The following GDA variants were observed in gnomAD, a reference collection of about 807,000 sequenced individuals.
The protein encoded by GDA is cytoplasmic PSD-95 interactor.
In GDA, 18 loss-of-function variants were observed where a neutral mutation model predicts 59.6. The observed-to-expected ratio is 0.30, with a 90% CI of 0.21 to 0.45. The LOEUF is 0.45. Among genes scored for constraint, GDA ranks in the 20% least tolerant of loss-of-function variants. The pLI is 1.00. For synonymous variants in GDA, 201 were observed against 201.1 expected, an observed-to-expected ratio of 1.00 and a Z score of 0.00; for missense variants, 427 against 552.3, an observed-to-expected ratio of 0.77 and a Z score of 2.27.
At chr9:72,202,152 T>C (rs1300065149) in intron 2 of GDA, among the ~76,000 whole-genome samples, 1 of 152,272 alleles carries the variant, frequency 6.6e-6, no homozygotes, top group Non-Finnish European at 1.5e-5. Context: ...CCTTAGTGAC[T>C]GGTGTGCACA....
At chr9:72,157,521 A>G (rs1828062395) in intron 1 of GDA, among the ~76,000 whole-genome samples, 1 of 152,130 alleles carries the variant, frequency 6.6e-6, no homozygotes, top group African/African-American at 2.4e-5. Flanking sequence ...AGGCACCCAT[A>G]TCAATAGTCA....
chr9:72,136,307 T>C (rs1360459186), intron 1 of GDA, among the ~76,000 whole-genome samples: 2 of 152,228 alleles, frequency 1.3e-5, no homozygotes. Context: ...TATACCAAAC[T>C]GAGCCTGTGT....
intron 1 of GDA, among the ~76,000 whole-genome samples, chr9:72,126,728 A>T (rs1203322294): frequency 6.6e-6 from 1 of 151,722 alleles, no homozygotes; most frequent in African/African-American, 2.4e-5. Flanking sequence ...CACCAGGCCC[A>T]GCTAATTTTT....
intron 1 of GDA, among the ~76,000 whole-genome samples, chr9:72,116,324 A>G (rs1015246994): frequency 1.3e-5 from 2 of 151,742 alleles, no homozygotes; most frequent in Admixed American, 1.3e-4. Context: ...GCACCTTACA[A>G]TGCCTACTGA....
chr9:72,141,173 T>G (rs1826427971), intron 1 of GDA, among the ~76,000 whole-genome samples: 1 of 151,942 alleles, frequency 6.6e-6, no homozygotes, highest in Non-Finnish European at 1.5e-5. Context: ...CACAAAGAAT[T>G]CCAAAAACAC....
At chr9:72,181,180 G>T (rs1189963243) in intron 1 of GDA, among the ~76,000 whole-genome samples, 1 of 152,094 alleles carries the variant, frequency 6.6e-6, no homozygotes, top group Non-Finnish European at 1.5e-5. Context: ...GGTAAAGAAA[G>T]TACAGTTCTA....
chr9:72,255,631 A>G (rs1338502965), downstream of GDA, among the ~76,000 whole-genome samples: 1 of 152,206 alleles, frequency 6.6e-6, no homozygotes, highest in Non-Finnish European at 1.5e-5. Context: ...TGAATTGGCA[A>G]CTTACGTATT....
chr9:72,248,286 A>G lies in GDA; in HGVS notation c.1309A>G (p.Ile437Val), dbSNP rs774098164. The change falls in exon 14 of 14, where the codon ATT (isoleucine) becomes GTT (valine). Residue 437 changes from isoleucine (I) to valine (V), a missense_variant. Ile to Val is a conservative substitution (Grantham distance 29). Coordinates refer to ENST00000358399, the MANE Select transcript of GDA (RefSeq NM_004293.5). The part of the protein sequence containing the change: ...KFLYLGDDRN[I>V]EEVYVGGKQV... The stretch of plus-strand genomic sequence containing the variant: ...TTTTCTTTCAGGAGATGATCGAAAT[A>G]TTGAAGAGGTTTATGTGGGCGGAAA... The G allele has an allele frequency of 3.1e-6, 5 of 1,611,198 alleles. No homozygotes were observed. The highest frequency in any genetic ancestry group is 4.2e-6 in the Non-Finnish European group (5 of 1,177,324).
At chr9:72,222,732 G>A (rs1036398290) in intron 6 of GDA, among the ~76,000 whole-genome samples, 7 of 151,854 alleles carry the variant, frequency 4.6e-5, no homozygotes, top group African/African-American at 1.4e-4. Flanking sequence ...TTGAGACTGA[G>A]TTTCTCTTTT....
At chr9:72,151,795 G>A (rs921049455) in intron 1 of GDA, among the ~76,000 whole-genome samples, 1 of 151,782 alleles carries the variant, frequency 6.6e-6, no homozygotes, top group African/African-American at 2.4e-5. Flanking sequence ...AAGTAGAGTT[G>A]GGGTTTCAAT....
chr9:72,252,110 A>T lies in GDA; in HGVS notation c.*3768A>T, dbSNP rs910456428. 2.0e-5 allele frequency: 3 copies of T among 152,576 alleles called. No individual in the cohort carries two copies. 9.5% of individuals were successfully genotyped at this position (152,576 alleles called of 1,614,324 possible). A position where few individuals can be genotyped will look rare whatever the true frequency, so the allele number is the denominator to read the frequency against. On this transcript the variant is annotated 3_prime_UTR_variant, in exon 14 of 14. Coordinates refer to ENST00000358399, the MANE Select transcript of GDA (RefSeq NM_004293.5). ...TCGCTACTCTTAAGAATATACATGT[A>T]TGTATTCATAGGAACATTTTTTCTC...
rs576590286 is a variant in GDA at position 72,248,352 on chromosome 9, G to T, written c.*10G>T. On this transcript the variant is annotated 3_prime_UTR_variant, in exon 14 of 14. Coordinates refer to ENST00000358399, the MANE Select transcript of GDA (RefSeq NM_004293.5). ...TTCCAGCTCAGTGTAAGACCCTCGG[G>T]CGTCTACAAAGTTCTCCTGGGATTA... is the stretch of plus-strand genomic sequence containing the variant. 6.2e-7 allele frequency: 1 copy of T among 1,613,558 alleles called. No homozygotes were observed. Among genetic ancestry groups the T allele is most frequent in the South Asian group, 1.1e-5 (1 of 91,062 alleles).
At chr9:72,222,935 G>A (rs561542293) in intron 6 of GDA, among the ~76,000 whole-genome samples, 185 bp from the exon 7 acceptor site, 16 of 152,168 alleles carry the variant, frequency 1.1e-4, no homozygotes, top group African/African-American at 3.4e-4. Flanking sequence ...TCGAACTCCC[G>A]GCCCTCAGGT....
intron 1 of GDA, among the ~76,000 whole-genome samples, chr9:72,170,583 A>G (rs1393189135): frequency 6.6e-6 from 1 of 152,178 alleles, no homozygotes; most frequent in Non-Finnish European, 1.5e-5. Context: ...TAAAATGGAT[A>G]TGGGGAGGCT....
At chr9:72,119,833 A>AT (rs1825599844) in intron 1 of GDA, among the ~76,000 whole-genome samples, 1 of 152,316 alleles carries the variant, frequency 6.6e-6, no homozygotes, top group Admixed American at 6.5e-5. Context: ...AATTAGTCAT[A>AT]TTTTTTATGA....
intron 1 of GDA, among the ~76,000 whole-genome samples, chr9:72,124,280 A>G (rs1825773534): frequency 6.6e-6 from 1 of 152,250 alleles, no homozygotes; most frequent in South Asian, 2.1e-4. Context: ...AATATCAGAG[A>G]AGTTTCTGTT....
chr9:72,209,067 G>A (rs1835056140), intron 3 of GDA, among the ~76,000 whole-genome samples: 1 of 150,954 alleles, frequency 6.6e-6, no homozygotes, highest in Non-Finnish European at 1.5e-5. Context: ...ATGTCGTTGT[G>A]AGTCCTGTCA....
rs1835248607 is a variant in GDA, at chr9:72,210,742, C to CTGACTCAT, written c.441_448dup (p.Ser150LeufsTer27). On this transcript the variant is annotated frameshift_variant, in exon 4 of 14. Coordinates refer to ENST00000358399, the MANE Select transcript of GDA (RefSeq NM_004293.5). LOFTEE classifies it high-confidence loss of function. ...GCTTGTTACTTTGCAACAATTCACA[C>CTGACTCAT]TGACTCATCTCTGCTCCTTGCCGAC... 6.2e-7 allele frequency: 1 copy of CTGACTCAT among 1,610,736 alleles called. No individual in the cohort carries two copies. Among genetic ancestry groups the CTGACTCAT allele is most frequent in the Admixed American group, 1.7e-5 (1 of 60,002 alleles).
At chr9:72,237,370 G>T (rs1212162247) in intron 10 of GDA, among the ~76,000 whole-genome samples, 1 of 152,144 alleles carries the variant, frequency 6.6e-6, no homozygotes, top group Non-Finnish European at 1.5e-5. Flanking sequence ...ATGATTGACT[G>T]TTCTCTCCAT....
Sources: gnomAD v4.1 joint callset for allele counts (sites outside exome capture counted in the v4.1 genomes callset) on GRCh38, gnomAD v4.1.1 for gene constraint, MANE v1.5 for transcripts, NCBI Gene and HGNC (gene_info 2026-07-23, HGNC 2026-07-21) for gene names.